The following LONRF3 variants were observed in gnomAD, a reference collection of about 807,000 sequenced individuals.
LONRF3 encodes the protein LON peptidase N-terminal domain and ring finger 3.
LONRF3 carries 19 observed loss-of-function variants against 51.7 expected under a neutral mutation model. That is an observed-to-expected ratio of 0.37 (90% CI 0.26 to 0.54). The LOEUF (loss-of-function observed/expected upper bound fraction) is 0.54. Among genes scored for constraint, LONRF3 ranks in the 20% least tolerant of loss-of-function variants. The pLI is 0.86. For missense variants in LONRF3, 521 were observed against 623.9 expected (o/e 0.84, Z 1.76); for synonymous variants, 265 against 257.8 (o/e 1.03, Z -0.27).
chrX:118,984,549 G>A (rs1922813506), intron 3 of LONRF3, among the ~76,000 whole-genome samples: 1 of 112,081 alleles, frequency 8.9e-6, no homozygotes, highest in Non-Finnish European at 1.9e-5. Flanking sequence ...TCTCCAGTCT[G>A]CTTTTATAGA....
chrX:119,012,829 T>A (rs1925200898), intron 8 of LONRF3: 1 of 1,039,480 alleles, frequency 9.6e-7, no homozygotes. Context: ...ATGTGCTCAA[T>A]AAATGGTAGC....
At position 119,015,094 on chromosome X, in the gene LONRF3, T is replaced by C. The variant is rs770740828; in HGVS notation, c.2124+738T>C. Among the ~76,000 whole-genome samples the C allele has an allele frequency of 1.8e-3, 201 of 111,781 alleles. 1 individual carries two copies. Among genetic ancestry groups the C allele is most frequent in the Non-Finnish European group, 2.0e-3 (108 of 53,118 alleles). On this transcript the variant is annotated intron_variant, in intron 10 of 10. Coordinates refer to ENST00000371628, the MANE Select transcript of LONRF3 (RefSeq NM_001031855.3). ...ATGGTTAAGTTTCACTAAGCTTTGCTTGCCTGGAATAAATCAGGGAATACT... is the reference window on the plus strand; with the variant it reads ...ATGGTTAAGTTTCACTAAGCTTTGCCTGCCTGGAATAAATCAGGGAATACT...
At chrX:118,986,980 C>G in intron 3 of LONRF3, 1 of 1,152,116 alleles carries the variant, frequency 8.7e-7, no homozygotes, top group Non-Finnish European at 1.1e-6. Context: ...GAACATTCTC[C>G]CGATATCCTG....
chrX:119,017,617 C>T lies in LONRF3; in HGVS notation c.2207C>T (p.Ala736Val). 2.5e-6 allele frequency: 3 copies of T among 1,210,781 alleles called. No individual in the cohort carries two copies. Among genetic ancestry groups the T allele is most frequent in the Non-Finnish European group, 3.4e-6 (3 of 894,835 alleles). ...AGCCGAGCTCAGCTCCCCTTCCTAG[C>T]AATGAGGTCCTTAAAGGACAGACTG... ...LESRAQLPFL[A>V]MRSLKDRLNG... Residue 736 changes from alanine to valine, a missense_variant, in exon 11 of 11, where the codon GCA becomes GTA. Physicochemically the swap from Ala to Val is moderately conservative, Grantham distance 64. Transcript: ENST00000371628.
rs1320762846 is a variant in LONRF3 at position 118,975,236 on chromosome X, G to A, written c.456G>A (p.Val152=). The A allele has an allele frequency of 1.7e-6, 2 of 1,200,335 alleles. No individual in the cohort carries two copies. Among genetic ancestry groups the A allele is most frequent in the African/African-American group, 3.5e-5 (2 of 57,313 alleles). The stretch of plus-strand genomic sequence containing the variant: ...CCGCGGCTGCGGCGGCCACCGAGGT[G>A]TGGGACGGCTTTAAGTGCCGGAAAT... ...GAAAAAAATE[V]WDGFKCRKCH... The change falls in exon 1 of 11, where the codon GTG becomes GTA. Residue 152 remains valine, a synonymous_variant. Transcript: ENST00000371628.
chrX:119,016,354 T>TTTCTTTC (rs1569300086), intron 10 of LONRF3, among the ~76,000 whole-genome samples: 2 of 56,794 alleles, frequency 3.5e-5, no homozygotes, highest in Non-Finnish European at 8.9e-5. Flanking sequence ...TTCTTTCTTT[T>TTTCTTTC]TTTTTTTTTT....
At chrX:118,992,500 C>T (rs1181457484) in intron 5 of LONRF3, among the ~76,000 whole-genome samples, 1 of 110,827 alleles carries the variant, frequency 9.0e-6, no homozygotes, top group Admixed American at 9.6e-5. Flanking sequence ...CCATCCCCCA[C>T]AGCAGCTGCA....
chrX:118,982,066 T>C (rs1922606765), intron 2 of LONRF3, among the ~76,000 whole-genome samples: 1 of 112,012 alleles, frequency 8.9e-6, no homozygotes, highest in African/African-American at 3.2e-5. Flanking sequence ...CCCAGGATGT[T>C]CCTCTGCCCT....
intron 5 of LONRF3, 40 bp from the exon 6 acceptor site, chrX:119,006,081 C>T: frequency 2.4e-6 from 2 of 848,097 alleles, no homozygotes; most frequent in Non-Finnish European, 3.4e-6. Context: ...TATTTTTGGT[C>T]TTATTGCAGT....
intron 3 of LONRF3, among the ~76,000 whole-genome samples, chrX:118,989,115 T>A (rs1185127382): frequency 9.0e-6 from 1 of 111,205 alleles, no homozygotes; most frequent in Non-Finnish European, 1.9e-5. Flanking sequence ...ATCCCTGGCA[T>A]TTCCCCTTTT....
At chrX:118,992,948 G>C (rs1054894893) in intron 5 of LONRF3, among the ~76,000 whole-genome samples, 1 of 111,381 alleles carries the variant, frequency 9.0e-6, no homozygotes, top group Non-Finnish European at 1.9e-5. Flanking sequence ...CTCACAGGAA[G>C]CCACACCCAT....
chrX:118,983,871 C>T (rs1424207767), intron 3 of LONRF3, among the ~76,000 whole-genome samples: 1 of 111,632 alleles, frequency 9.0e-6, no homozygotes, highest in East Asian at 2.8e-4. Flanking sequence ...GGGAACTGGC[C>T]CTGGATTTTC....
chrX:119,002,874 C>T (rs1267213871), intron 5 of LONRF3, among the ~76,000 whole-genome samples: 1 of 110,671 alleles, frequency 9.0e-6, no homozygotes, highest in Non-Finnish European at 1.9e-5. Flanking sequence ...TCTCGGCTCA[C>T]TGCAACCTCC....
At position 119,000,709 on chromosome X, in the gene LONRF3, T is replaced by A. The variant is rs1024645309; in HGVS notation, c.1416-5412T>A. Among the ~76,000 whole-genome samples, 7 of 110,033 alleles carry A rather than the reference T, an allele frequency of 6.4e-5. No homozygotes were observed. The South Asian group carries it at 2.4e-3, about 38-fold the overall frequency. On this transcript the variant is annotated intron_variant, in intron 5 of 10. Transcript: ENST00000371628. ...TCTTTGTCAATTCTAACAAGAAGCT[T>A]CATATTTAACCTAGTTTTAGCTACT...
Position 118,992,558 on chromosome X carries a change from C to G in LONRF3, c.1415+1998C>G, listed in dbSNP as rs1056978880. On this transcript the variant is annotated intron_variant, in intron 5 of 10. Coordinates refer to ENST00000371628, the MANE Select transcript of LONRF3 (RefSeq NM_001031855.3). ...CTGAGCTCAGACATACCTAGCCCTG[C>G]CCCCACCCAATGGTCCTTCCCTACC... Among the ~76,000 whole-genome samples the G allele has an allele frequency of 2.7e-5, 3 of 110,551 alleles. No homozygotes were observed. The Admixed American group carries it at 2.9e-4, about 11-fold the overall frequency.
intron 10 of LONRF3, among the ~76,000 whole-genome samples, chrX:119,016,352 T>TTC (rs1306562099): frequency 5.2e-5 from 5 of 96,072 alleles, no homozygotes; most frequent in African/African-American, 1.1e-4. Flanking sequence ...CTTTCTTTCT[T>TTC]TTTTTTTTTT....
chrX:119,014,420 A>G, intron 10 of LONRF3, 64 bp downstream of exon 10: 1 of 1,010,360 alleles, frequency 9.9e-7, no homozygotes, highest in Non-Finnish European at 1.4e-6. Flanking sequence ...AGTGTTTGTG[A>G]TTAGATGGGT....
chrX:118,975,732 GT>G, intron 1 of LONRF3, 135 bp downstream of exon 1: 2 of 402,300 alleles, frequency 5.0e-6, no homozygotes, highest in East Asian at 5.4e-5. Context: ...CTGTGGCGGG[GT>G]GGGGGAGGGG....
chrX:118,975,286 T>C lies in LONRF3; in HGVS notation c.506T>C (p.Val169Ala). The C allele has an allele frequency of 8.3e-7, 1 of 1,210,065 alleles. No individual in the cohort carries two copies. Among genetic ancestry groups the C allele is most frequent in the Non-Finnish European group, 1.1e-6 (1 of 895,015 alleles). Residue 169 changes from valine (V) to alanine (A), a missense_variant, in exon 1 of 11, where the codon GTG (valine) becomes GCG (alanine). Physicochemically the swap from Val to Ala is moderately conservative, Grantham distance 64 (BLOSUM62 0). Transcript: ENST00000371628. ...RKCHGFLSDPVSLSCGHTFCK... is the reference protein window; with the variant it reads ...RKCHGFLSDPASLSCGHTFCK... ...TGTCATGGGTTTCTATCAGACCCCG[T>C]GTCCTTGTCGTGTGGCCACACCTTT... is the stretch of plus-strand genomic sequence containing the variant.
Sources: gnomAD v4.1 joint callset for allele counts (sites outside exome capture counted in the v4.1 genomes callset) on GRCh38, gnomAD v4.1.1 for gene constraint, MANE v1.5 for transcripts, NCBI Gene and HGNC (gene_info 2026-07-23, HGNC 2026-07-21) for gene names.